CPSF6: variants seen among roughly 807,000 people sequenced by gnomAD.
CPSF6 encodes the protein cleavage and polyadenylation specific factor 6, also known as cleavage and polyadenylation specificity factor subunit 6.
A neutral mutation model predicts 56.7 loss-of-function variants in CPSF6; 10 were observed. That is an observed-to-expected ratio of 0.18 (90% CI 0.11 to 0.30). The LOEUF (loss-of-function observed/expected upper bound fraction) is 0.30. Ranked by LOEUF, CPSF6 falls within the 10% of genes least tolerant of loss-of-function variation. The pLI is 1.00. For synonymous variants in CPSF6, 248 were observed against 244.8 expected, an observed-to-expected ratio of 1.01 and a Z score of -0.12; for missense variants, 419 against 722.9, an observed-to-expected ratio of 0.58 and a Z score of 4.82.
rs1048434530 is a variant in CPSF6, at chr12:69,270,485, T to C, written c.*977T>C. ...TTTATTGATCTTATGGTTTATTTCT[T>C]AAGCCATAGTCAGTGTAAATACAGC... On this transcript the variant is annotated 3_prime_UTR_variant, in exon 10 of 10. Coordinates refer to ENST00000435070, the MANE Select transcript of CPSF6 (RefSeq NM_007007.3). 27 of 151,898 alleles carry C rather than the reference T, an allele frequency of 1.8e-4. No homozygotes were observed. The highest frequency in any genetic ancestry group is 6.0e-4 in the African/African-American group (25 of 41,542). 9.4% of individuals were successfully genotyped at this position (151,898 alleles called of 1,614,324 possible). A position where few individuals can be genotyped will look rare whatever the true frequency, so the allele number is the denominator to read the frequency against.
In CPSF6 at chr12:69,273,309, A is replaced by T; in HGVS notation, c.*3801A>T. On this transcript the variant is annotated 3_prime_UTR_variant, in exon 10 of 10. Coordinates refer to ENST00000435070, the MANE Select transcript of CPSF6 (RefSeq NM_007007.3). ...GAATTTCAGGTTGTGGCATTCACTGAGTATGCAGCTACTATGGTTTTTGTA... is the reference window on the plus strand; with the variant it reads ...GAATTTCAGGTTGTGGCATTCACTGTGTATGCAGCTACTATGGTTTTTGTA... 3.1e-6 allele frequency: 1 copy of T among 322,370 alleles called. No individual in the cohort carries two copies. The allele number at this position is 322,370 out of a possible 1,614,324, so 20.0% of individuals were successfully genotyped here. A position where few individuals can be genotyped will look rare whatever the true frequency, so the allele number is the denominator to read the frequency against.
At chr12:69,242,226 A>G (rs1276575582) in intron 1 of CPSF6, among the ~76,000 whole-genome samples, 1 of 151,906 alleles carries the variant, frequency 6.6e-6, no homozygotes, top group African/African-American at 2.4e-5. Flanking sequence ...TTTGTTTTCC[A>G]GTGTAAACTG....
rs550005823 is a variant in CPSF6 at position 69,270,462 on chromosome 12, T to C, written c.*954T>C. The C allele has an allele frequency of 6.6e-6, 1 of 152,048 alleles. No individual in the cohort carries two copies. The highest frequency in any genetic ancestry group is 1.5e-5 in the Non-Finnish European group (1 of 67,720). 9.4% of individuals were successfully genotyped at this position (152,048 alleles called of 1,614,324 possible). On this transcript the variant is annotated 3_prime_UTR_variant, in exon 10 of 10. Transcript: ENST00000435070. ...TGATGCTGCAATTACTTGCTGTTTT[T>C]ATTGATCTTATGGTTTATTTCTTAA... is the stretch of plus-strand genomic sequence containing the variant.
chr12:69,272,366 GTTAT>G lies in CPSF6; in HGVS notation c.*2860_*2863del, dbSNP rs1306091478. 1 of 151,594 alleles carries G rather than the reference GTTAT, an allele frequency of 6.6e-6. No individual in the cohort carries two copies. The highest frequency in any genetic ancestry group is 1.5e-5 in the Non-Finnish European group (1 of 67,604). 9.4% of individuals were successfully genotyped at this position (151,594 alleles called of 1,614,324 possible). A position where few individuals can be genotyped will look rare whatever the true frequency, so the allele number is the denominator to read the frequency against. On this transcript the variant is annotated 3_prime_UTR_variant, in exon 10 of 10. Coordinates refer to ENST00000435070, the MANE Select transcript of CPSF6 (RefSeq NM_007007.3). ...TTTATTTTTTACTAGTTTCAGGTCAGTTATTAAAATAAACATGGAGGTTTTAATG... is the reference window on the plus strand; with the variant it reads ...TTTATTTTTTACTAGTTTCAGGTCAGTAAAATAAACATGGAGGTTTTAATG...
chr12:69,240,375 G>C (rs1871550400), intron 1 of CPSF6, among the ~76,000 whole-genome samples: 2 of 152,174 alleles, frequency 1.3e-5, no homozygotes, highest in Admixed American at 1.3e-4. Context: ...TTTGCAACAA[G>C]TCCTTTGACT....
In CPSF6 at chr12:69,258,068, G is replaced by A. The variant is rs1197554304; in HGVS notation, c.694+163G>A. ...ATCAAGCATCTTGTTAAAGGAACTC[G>A]GCCTTTGTTCCTGGAAACTAGGATT... On this transcript the variant is annotated intron_variant, in intron 5 of 9. Coordinates refer to ENST00000435070, the MANE Select transcript of CPSF6 (RefSeq NM_007007.3). The surrounding 1 kb of genome is among the most constrained non-coding windows in gnomAD (Gnocchi z 4.2). The A allele has an allele frequency of 7.2e-6, 11 of 1,537,216 alleles. No individual in the cohort carries two copies. Among genetic ancestry groups the A allele is most frequent in the South Asian group, 1.2e-5 (1 of 84,096 alleles).
chr12:69,253,959 T>G (rs1872377452), intron 3 of CPSF6, among the ~76,000 whole-genome samples: 1 of 152,172 alleles, frequency 6.6e-6, no homozygotes, highest in East Asian at 1.9e-4. Context: ...TGATAAAGAA[T>G]TTTCTTATTT....
chr12:69,246,728 A>G (rs928838227), intron 1 of CPSF6, among the ~76,000 whole-genome samples: 6 of 152,190 alleles, frequency 3.9e-5, no homozygotes, highest in African/African-American at 7.2e-5. Context: ...CCCCCTTCAT[A>G]TATTTCTCTA....
rs1049047913 is a variant in CPSF6 at position 69,257,994 on chromosome 12, A to G, written c.694+89A>G. The G allele has an allele frequency of 2.9e-5, 44 of 1,539,562 alleles. No individual in the cohort carries two copies. The Admixed American group carries it at 6.3e-4, about 22-fold the overall frequency. On this transcript the variant is annotated intron_variant, in intron 5 of 9. Transcript: ENST00000435070. ...CTCTTTTTCAAGTAATGCATTATTA[A>G]TGTGACTTACTCTCCTTGTTATGCT...
At chr12:69,266,893 A>G (rs1389547559) in intron 9 of CPSF6, among the ~76,000 whole-genome samples, 1 of 152,154 alleles carries the variant, frequency 6.6e-6, no homozygotes, top group Non-Finnish European at 1.5e-5. Context: ...GGTAGAAGAA[A>G]ATATGAAATG....
intron 1 of CPSF6, among the ~76,000 whole-genome samples, chr12:69,250,901 C>A (rs561830906): frequency 9.9e-5 from 15 of 152,252 alleles, no homozygotes; most frequent in African/African-American, 3.6e-4. Flanking sequence ...CCTGCCTCGG[C>A]CTCCCAAGTG....
chr12:69,241,899 G>A (rs1296040007), intron 1 of CPSF6, among the ~76,000 whole-genome samples: 1 of 150,016 alleles, frequency 6.7e-6, no homozygotes, highest in East Asian at 1.9e-4. Context: ...TTACATTACC[G>A]CTTCTTGCTG....
chr12:69,248,238 CAAAG>C (rs1368946434), intron 1 of CPSF6, among the ~76,000 whole-genome samples: 6 of 152,072 alleles, frequency 3.9e-5, no homozygotes, highest in African/African-American at 4.8e-5. Context: ...TAGAAGAAAA[CAAAG>C]AATCTGTTCA....
chr12:69,258,950 C>T lies in CPSF6; in HGVS notation c.1055C>T (p.Pro352Leu), dbSNP rs1478858832. Residue 352 changes from proline to leucine, a missense_variant, in exon 6 of 10, where the codon CCG becomes CTG. Pro to Leu is a moderately conservative substitution (Grantham distance 98). This residue lies in a region of CPSF6 where 211 missense variants were observed against 296.0 expected (regional missense o/e 0.71). Transcript: ENST00000435070. The surrounding 1 kb of genome is among the most constrained non-coding windows in gnomAD (Gnocchi z 4.2). ...CCTGGACCACCTCCAGGTGCCCCAC[C>T]GCCAGCTCCGCATGTGAACCCAGCT... Reference protein sequence around the residue: ...HLPGPPPGAPPPAPHVNPAFF... With the variant: ...HLPGPPPGAPLPAPHVNPAFF... 4 of 1,613,976 alleles carry T rather than the reference C, an allele frequency of 2.5e-6. No homozygotes were observed. Among genetic ancestry groups the T allele is most frequent in the East Asian group, 2.2e-5 (1 of 44,888 alleles).
intron 8 of CPSF6, among the ~76,000 whole-genome samples, chr12:69,261,519 C>T (rs114209790): frequency 6.6e-6 from 1 of 152,144 alleles, no homozygotes; most frequent in African/African-American, 2.4e-5. Flanking sequence ...GAACTGTGAT[C>T]ATGTCCCTGC....
intron 1 of CPSF6, among the ~76,000 whole-genome samples, chr12:69,249,750 T>C (rs1872133185): frequency 1.3e-5 from 2 of 152,220 alleles, no homozygotes; most frequent in African/African-American, 4.8e-5. Flanking sequence ...GTGTTGAGTG[T>C]TCTGCTTTTA....
chr12:69,243,003 T>C (rs771806453), intron 1 of CPSF6, among the ~76,000 whole-genome samples: 4 of 151,820 alleles, frequency 2.6e-5, no homozygotes, highest in Non-Finnish European at 5.9e-5. Context: ...AGCTAATCAG[T>C]AAGCTAAGCA....
intron 1 of CPSF6, among the ~76,000 whole-genome samples, chr12:69,247,042 G>A (rs191997349): frequency 6.6e-6 from 1 of 152,216 alleles, no homozygotes; most frequent in Non-Finnish European, 1.5e-5. Flanking sequence ...TATTTTGACA[G>A]CCAACAAGTT....
chr12:69,244,681 C>T (rs1002245156), intron 1 of CPSF6, among the ~76,000 whole-genome samples: 3 of 147,830 alleles, frequency 2.0e-5, no homozygotes, highest in African/African-American at 7.5e-5. Context: ...CAGGCATGAA[C>T]GACTGAACCT....
Sources: allele counts gnomAD v4.1 joint callset (sites outside exome capture counted in the v4.1 genomes callset), GRCh38; gene constraint gnomAD v4.1.1; regional missense constraint gnomAD v4.1.1; non-coding constraint Gnocchi (gnomAD v3.1); transcripts MANE v1.5; gene names NCBI Gene and HGNC (gene_info 2026-07-23, HGNC 2026-07-21).